The following IDO1 variants were observed in gnomAD, a reference collection of about 807,000 sequenced individuals.
IDO1 encodes the protein indolamine 2,3 dioxygenase.
IDO1 carries 35 observed loss-of-function variants against 38.8 expected under a neutral mutation model. The observed-to-expected ratio is 0.90, with a 90% CI of 0.69 to 1.20. IDO1 has a LOEUF of 1.20. Among genes scored for constraint, IDO1 ranks in the 50% most tolerant of loss-of-function variants. The pLI is 0.00. For synonymous variants in IDO1, 171 were observed against 170.0 expected (o/e 1.01, Z -0.05); for missense variants, 509 against 485.1 (o/e 1.05, Z -0.46).
At chr8:39,918,045 A>G in intron 2 of IDO1, 43 bp from the exon 3 acceptor site, 3 of 1,613,186 alleles carry the variant, frequency 1.9e-6, no homozygotes, top group Non-Finnish European at 2.5e-6. Context: ...AGCATAAAAC[A>G]TTACTGAGAT....
rs527339833 is a variant in IDO1, at chr8:39,917,749, G to C, written c.88-126G>C. 3.6e-5 allele frequency: 23 copies of C among 638,680 alleles called. No homozygotes were observed. In the African/African-American group the frequency reaches 3.8e-4, roughly 11 times the overall value. 39.6% of individuals were successfully genotyped at this position (638,680 alleles called of 1,614,324 possible). ...GACAAGACAGAGGCTGGTGTTTCCAGACAGGTAAGCCATATGCCAGGGCAA... is the reference window on the plus strand; with the variant it reads ...GACAAGACAGAGGCTGGTGTTTCCACACAGGTAAGCCATATGCCAGGGCAA... On this transcript the variant is annotated intron_variant, in intron 1 of 9. Transcript: ENST00000518237.
intron 1 of IDO1, chr8:39,915,796 C>G (rs931297994): frequency 6.6e-6 from 1 of 152,086 alleles, no homozygotes; most frequent in Non-Finnish European, 1.5e-5. Context: ...ATTATGAATA[C>G]CTGTAGAACA....
chr8:39,918,573 C>A (rs750862291), intron 3 of IDO1: 1 of 483,338 alleles, frequency 2.1e-6, no homozygotes, highest in Non-Finnish European at 3.7e-6. Context: ...TAGTGAAACC[C>A]CATCTCTACT....
Position 39,917,920 on chromosome 8 carries a change from C to T in IDO1, c.133C>T (p.His45Tyr). The part of the protein sequence containing the change: ...FYNDWMFIAK[H>Y]LPDLIESGQL... ...TAATGACTGGATGTTCATTGCTAAA[C>T]ATCTGCCTGATCTCATAGAGTCTGG... is the stretch of plus-strand genomic sequence containing the variant. The change falls in exon 2 of 10, where the codon CAT (histidine) becomes TAT (tyrosine). Residue 45 changes from histidine (H) to tyrosine (Y), a missense_variant. Coordinates refer to ENST00000518237, the MANE Select transcript of IDO1 (RefSeq NM_002164.6). 1 of 1,611,876 alleles carries T rather than the reference C, an allele frequency of 6.2e-7. No homozygotes were observed. Among genetic ancestry groups the T allele is most frequent in the South Asian group, 1.1e-5 (1 of 91,030 alleles).
chr8:39,923,791 C>G (rs1807316371), intron 7 of IDO1: 1 of 393,154 alleles, frequency 2.5e-6, no homozygotes, highest in Non-Finnish European at 4.6e-6. Flanking sequence ...TTCAGAAAGA[C>G]AGGGTAAATG....
chr8:39,927,749 A>G lies in IDO1; in HGVS notation c.857-81A>G, dbSNP rs1045599541. On this transcript the variant is annotated intron_variant, in intron 9 of 9. Transcript: ENST00000518237. ...ATGCTATATTGGTGATCTCCTGCCC[A>G]CTCTGACCTCACTCTGCCTTTCTCT... The G allele has an allele frequency of 2.6e-5, 21 of 810,362 alleles. No individual in the cohort carries two copies. The East Asian group carries it at 3.8e-4, about 15-fold the overall frequency. The allele number at this position is 810,362 out of a possible 1,614,324, so 50.2% of individuals were successfully genotyped here. A position where few individuals can be genotyped will look rare whatever the true frequency, so the allele number is the denominator to read the frequency against.
Position 39,920,115 on chromosome 8 carries a change from G to A in IDO1, c.437+1G>A, listed in dbSNP as rs770747643. The A allele has an allele frequency of 2.5e-6, 4 of 1,607,008 alleles. No homozygotes were observed. Among genetic ancestry groups the A allele is most frequent in the African/African-American group, 1.3e-5 (1 of 74,850 alleles). ...CTTTCATAAGGCCCCTGACTTATGA[G>A]TAAGTATCTGATTCTTGTTTGATTC... On this transcript the variant is annotated splice_donor_variant, in intron 5 of 9. Transcript: ENST00000518237. LOFTEE classifies it high-confidence loss of function.
rs761098064 is a variant in IDO1 at position 39,927,923 on chromosome 8, G to A, written c.950G>A (p.Arg317His). Residue 317 changes from arginine (R) to histidine (H), a missense_variant, in exon 10 of 10, where the codon CGT becomes CAT. Coordinates refer to ENST00000518237, the MANE Select transcript of IDO1 (RefSeq NM_002164.6). ...LCSLESNPSV[R>H]EFVLSKGDAG... ...TCATTAGAGTCAAATCCCTCAGTCCGTGAGTTTGTCCTTTCAAAAGGTGAT... is the reference window on the plus strand; with the variant it reads ...TCATTAGAGTCAAATCCCTCAGTCCATGAGTTTGTCCTTTCAAAAGGTGAT... 14 of 1,607,140 alleles carry A rather than the reference G, an allele frequency of 8.7e-6. No homozygotes were observed. The highest frequency in any genetic ancestry group is 1.6e-4 in the Middle Eastern group (1 of 6,076).
At chr8:39,921,522 T>C (rs933368500) in intron 5 of IDO1, among the ~76,000 whole-genome samples, 1 of 152,124 alleles carries the variant, frequency 6.6e-6, no homozygotes, top group Admixed American at 6.5e-5. Context: ...GTTAAAACAG[T>C]ATCTTAAGGG....
rs532419254 is a variant in IDO1, at chr8:39,918,480, C to T, written c.303+273C>T. The stretch of plus-strand genomic sequence containing the variant: ...AGACTGCAATATCTAACCTTTAAAA[C>T]ACACATGGGCCTCCCAGCACTTTGA... On this transcript the variant is annotated intron_variant, in intron 3 of 9. Transcript: ENST00000518237. The T allele has an allele frequency of 4.0e-5, 19 of 469,944 alleles. 1 individual carries two copies. In the South Asian group the frequency reaches 5.4e-4, roughly 13 times the overall value. 29.1% of individuals were successfully genotyped at this position (469,944 alleles called of 1,614,324 possible).
rs375960531 is a variant in IDO1, at chr8:39,926,024, A to G, written c.856+653A>G. ...AACACGGTGAAACCCTGTCTCTACT[A>G]AAAATACAAAAAAGTAGCTGGGCAT... On this transcript the variant is annotated intron_variant, in intron 9 of 9. Coordinates refer to ENST00000518237, the MANE Select transcript of IDO1 (RefSeq NM_002164.6). 3.2e-4 allele frequency among the ~76,000 whole-genome samples: 48 copies of G among 151,454 alleles called. No homozygotes were observed. In the South Asian group the frequency reaches 8.8e-3, roughly 28 times the overall value.
rs1807205907 is a variant in IDO1, at chr8:39,918,113, TCA to T, written c.212_213del (p.Thr71ArgfsTer30). 7 of 1,613,984 alleles carry T rather than the reference TCA, an allele frequency of 4.3e-6. No homozygotes were observed. Among genetic ancestry groups the T allele is most frequent in the Non-Finnish European group, 5.9e-6 (7 of 1,179,868 alleles). On this transcript the variant is annotated frameshift_variant, in exon 3 of 10. Transcript: ENST00000518237. LOFTEE classifies it high-confidence loss of function. Reference sequence around the variant, plus strand: ...TTAAACATGCTCAGCATTGATCATCTCACAGACCACAAGTCACAGCGCCTTGC... The same window carrying T: ...TTAAACATGCTCAGCATTGATCATCTCAGACCACAAGTCACAGCGCCTTGC...
Position 39,915,992 on chromosome 8 carries a change from C to T in IDO1, c.88-1883C>T, listed in dbSNP as rs144662426. On this transcript the variant is annotated intron_variant, in intron 1 of 9. Coordinates refer to ENST00000518237, the MANE Select transcript of IDO1 (RefSeq NM_002164.6). ...CAGCCTGGCCAATGTGGTGAAACCCCGTCTCTACTAAAAAAATACAAAAAT... is the reference window on the plus strand; with the variant it reads ...CAGCCTGGCCAATGTGGTGAAACCCTGTCTCTACTAAAAAAATACAAAAAT... Among the ~76,000 whole-genome samples the T allele has an allele frequency of 1.0e-2, 1,509 of 150,932 alleles. 25 individuals carry two copies. Among genetic ancestry groups the T allele is most frequent in the African/African-American group, 0.034 (1,393 of 41,074 alleles).
intron 5 of IDO1, chr8:39,920,805 G>A (rs1807260184): frequency 6.6e-6 from 1 of 151,890 alleles, no homozygotes. Flanking sequence ...TTCCAGCCTG[G>A]GTGACAGAAC....
chr8:39,926,999 C>T (rs1365374098), intron 9 of IDO1, among the ~76,000 whole-genome samples: 1 of 152,158 alleles, frequency 6.6e-6, no homozygotes, highest in African/African-American at 2.4e-5. Flanking sequence ...TAATGGCCTC[C>T]AGCTGCATCC....
chr8:39,926,312 G>A (rs980838994), intron 9 of IDO1, among the ~76,000 whole-genome samples: 5 of 152,214 alleles, frequency 3.3e-5, no homozygotes, highest in African/African-American at 1.2e-4. Flanking sequence ...CTCCGGTGAA[G>A]CCAATATCAC....
Position 39,924,721 on chromosome 8 carries a change from A to G in IDO1, c.656A>G (p.Asp219Gly), listed in dbSNP as rs781185642. Residue 219 changes from aspartate (D) to glycine (G), a missense_variant and splice_region_variant, in exon 8 of 10, where the codon GAT becomes GGT. Asp to Gly is a moderately conservative substitution (Grantham distance 94). Coordinates refer to ENST00000518237, the MANE Select transcript of IDO1 (RefSeq NM_002164.6). ...TTAAACATATTCCATCTTTTTACAG[A>G]TCATGTGAACCCAAAAGCATTTTTC... ...KALQVFHQIH[D>G]HVNPKAFFSV... 6.2e-7 allele frequency: 1 copy of G among 1,600,628 alleles called. No homozygotes were observed. The highest frequency in any genetic ancestry group is 8.6e-7 in the Non-Finnish European group (1 of 1,168,414).
intron 9 of IDO1, among the ~76,000 whole-genome samples, chr8:39,926,136 G>A (rs1249131975): frequency 2.0e-5 from 3 of 151,978 alleles, no homozygotes; most frequent in African/African-American, 7.3e-5. Context: ...GCAGTGAACC[G>A]ATATGGCGCC....
At chr8:39,918,038 A>G in intron 2 of IDO1, 50 bp from the exon 3 acceptor site, 1 of 1,612,620 alleles carries the variant, frequency 6.2e-7, no homozygotes, top group Non-Finnish European at 8.5e-7. Flanking sequence ...GTTTTGAAGC[A>G]TAAAACATTA....
Sources: gnomAD v4.1 joint callset for allele counts (sites outside exome capture counted in the v4.1 genomes callset) on GRCh38, gnomAD v4.1.1 for gene constraint, MANE v1.5 for transcripts, NCBI Gene and HGNC (gene_info 2026-07-23, HGNC 2026-07-21) for gene names.